The following OXR1 variants were observed in gnomAD, a reference collection of about 807,000 sequenced individuals.
OXR1 encodes oxidation resistance 1, also known as oxidation resistance protein 1.
OXR1 carries 41 observed loss-of-function variants against 104.6 expected under a neutral mutation model. That is an observed-to-expected ratio of 0.39 (90% CI 0.31 to 0.51). The LOEUF is 0.51. Ranked by LOEUF, OXR1 falls within the 20% of genes least tolerant of loss-of-function variation. OXR1 has a pLI of 0.77. For synonymous variants in OXR1, 348 were observed against 348.4 expected (o/e 1.00, Z 0.01); for missense variants, 955 against 1,031.9 (o/e 0.93, Z 1.02).
intron 2 of OXR1, among the ~76,000 whole-genome samples, chr8:106,498,232 C>T (rs1298531463): frequency 6.6e-6 from 1 of 152,108 alleles, no homozygotes; most frequent in African/African-American, 2.4e-5. Context: ...CAAGTATCTA[C>T]ACTTATTAAC....
chr8:106,302,825 C>T (rs994666696), intron 1 of OXR1, among the ~76,000 whole-genome samples: 1 of 151,918 alleles, frequency 6.6e-6, no homozygotes, highest in African/African-American at 2.4e-5. Flanking sequence ...CATCTCGGCT[C>T]ACTGCAAGCT....
intron 3 of OXR1, chr8:106,657,700 C>T (rs2282509): frequency 0.57 from 221,937 of 389,318 alleles, 65,236 homozygotes; most frequent in African/African-American, 0.79. Flanking sequence ...AGGAAGAATA[C>T]ACCTATGTGA....
intron 2 of OXR1, among the ~76,000 whole-genome samples, chr8:106,453,342 C>G (rs1012413462): frequency 2.0e-5 from 3 of 152,172 alleles, no homozygotes; most frequent in Non-Finnish European, 4.4e-5. Flanking sequence ...ACATGGACCA[C>G]TTTGAAAATG....
At chr8:106,271,549 C>A (rs1586455685) in intron 1 of OXR1, among the ~76,000 whole-genome samples, 2 of 151,850 alleles carry the variant, frequency 1.3e-5, no homozygotes, top group Admixed American at 1.3e-4. Flanking sequence ...CGTGTGTGTG[C>A]GTGTGTGCGC....
intron 2 of OXR1, among the ~76,000 whole-genome samples, chr8:106,436,287 A>C (rs1050596144): frequency 1.3e-4 from 20 of 152,070 alleles, no homozygotes; most frequent in African/African-American, 4.8e-4. Flanking sequence ...CTACATATAA[A>C]ACTGGAATTA....
intron 15 of OXR1, among the ~76,000 whole-genome samples, chr8:106,743,765 A>G (rs888842618): frequency 6.6e-6 from 1 of 152,220 alleles, no homozygotes; most frequent in Non-Finnish European, 1.5e-5. Flanking sequence ...ACCCAAAGGA[A>G]TGTAAGTCCT....
chr8:106,519,855 T>G (rs995437149), intron 3 of OXR1, among the ~76,000 whole-genome samples: 1 of 152,230 alleles, frequency 6.6e-6, no homozygotes. Context: ...ACCAATCAAA[T>G]TACCAACTTT....
intron 1 of OXR1, among the ~76,000 whole-genome samples, chr8:106,285,429 A>T (rs185909369): frequency 1.3e-5 from 2 of 152,238 alleles, no homozygotes; most frequent in African/African-American, 4.8e-5. Context: ...TATTATTCTC[A>T]TGGAAACTCA....
At chr8:106,417,244 CATG>C (rs1441509175) in intron 2 of OXR1, among the ~76,000 whole-genome samples, 1 of 152,012 alleles carries the variant, frequency 6.6e-6, no homozygotes, top group Non-Finnish European at 1.5e-5. Context: ...GCATATTTAA[CATG>C]ATAGCTGGCA....
chr8:106,670,533 A>G (rs961623262), intron 3 of OXR1, among the ~76,000 whole-genome samples: 6 of 152,182 alleles, frequency 3.9e-5, no homozygotes, highest in African/African-American at 9.6e-5. Context: ...GAGAATTTTG[A>G]CCTGATTAAG....
At chr8:106,425,235 T>G (rs1297489750) in intron 2 of OXR1, among the ~76,000 whole-genome samples, 1 of 151,816 alleles carries the variant, frequency 6.6e-6, no homozygotes, top group African/African-American at 2.4e-5. Context: ...TTCTTTTCTT[T>G]TCTTTTTTTA....
intron 11 of OXR1, among the ~76,000 whole-genome samples, chr8:106,726,704 T>C (rs1833378750): frequency 6.6e-6 from 1 of 152,188 alleles, no homozygotes; most frequent in African/African-American, 2.4e-5. Flanking sequence ...GATTCTTTTA[T>C]GATATTGTTT....
intron 3 of OXR1, among the ~76,000 whole-genome samples, chr8:106,593,098 T>C (rs1385465398): frequency 6.6e-6 from 1 of 152,234 alleles, no homozygotes; most frequent in East Asian, 1.9e-4. Flanking sequence ...TTCCATCCTT[T>C]GAACTCTGTA....
At chr8:106,572,655 T>G (rs1817552516) in intron 3 of OXR1, among the ~76,000 whole-genome samples, 1 of 152,190 alleles carries the variant, frequency 6.6e-6, no homozygotes, top group Non-Finnish European at 1.5e-5. Context: ...AGATTTTTTT[T>G]GCTTCTACAT....
At chr8:106,353,900 C>T (rs960297132) in intron 1 of OXR1, among the ~76,000 whole-genome samples, 3 of 152,156 alleles carry the variant, frequency 2.0e-5, no homozygotes, top group African/African-American at 7.2e-5. Flanking sequence ...CCCACTACCT[C>T]CAGCCTGCCG....
chr8:106,352,441 G>A (rs1197277099), intron 1 of OXR1, among the ~76,000 whole-genome samples: 2 of 152,284 alleles, frequency 1.3e-5, no homozygotes, highest in African/African-American at 4.8e-5. Flanking sequence ...AATTTAAAAT[G>A]TGCATAGGAT....
At chr8:106,415,474 C>T (rs1473266808) in intron 2 of OXR1, among the ~76,000 whole-genome samples, 2 of 150,950 alleles carry the variant, frequency 1.3e-5, no homozygotes. Flanking sequence ...GTTTCCTTTA[C>T]CATTTGGTAA....
intron 2 of OXR1, among the ~76,000 whole-genome samples, chr8:106,427,082 A>G (rs1479331735): frequency 6.6e-6 from 1 of 152,164 alleles, no homozygotes; most frequent in Non-Finnish European, 1.5e-5. Flanking sequence ...CAAAGACTGC[A>G]GGGCAAAGCT....
At chr8:106,615,156 G>A (rs1254498663) in intron 3 of OXR1, among the ~76,000 whole-genome samples, 1 of 151,946 alleles carries the variant, frequency 6.6e-6, no homozygotes, top group South Asian at 2.1e-4. Context: ...TAGGCCAGGC[G>A]CGGTGGCTCG....
Sources: gnomAD v4.1 joint callset for allele counts (sites outside exome capture counted in the v4.1 genomes callset) on GRCh38, gnomAD v4.1.1 for gene constraint, MANE v1.5 for transcripts, NCBI Gene and HGNC (gene_info 2026-07-23, HGNC 2026-07-21) for gene names.